SREK1: variants seen among roughly 807,000 people sequenced by gnomAD.
The protein encoded by SREK1 is splicing regulatory glutamic acid and lysine rich protein 1.
SREK1 carries 13 observed loss-of-function variants against 66.5 expected under a neutral mutation model. That is an observed-to-expected ratio of 0.20 (90% CI 0.13 to 0.31). The LOEUF (loss-of-function observed/expected upper bound fraction) is 0.31, where lower values mean the gene tolerates loss of function less well. Ranked by LOEUF, SREK1 falls within the 10% of genes least tolerant of loss-of-function variation. The pLI, the probability that SREK1 is intolerant of heterozygous loss-of-function variation, is 1.00. For synonymous variants in SREK1, 265 were observed against 263.5 expected (o/e 1.01, Z -0.05); for missense variants, 607 against 769.6 (o/e 0.79, Z 2.50).
At chr5:66,178,667 C>G in intron 11 of SREK1, 52 bp from the exon 12 acceptor site, 3 of 1,466,696 alleles carry the variant, frequency 2.0e-6, no homozygotes, top group Non-Finnish European at 2.7e-6. Context: ...GTCGTCATAG[C>G]AGGCAGTTCT....
intron 7 of SREK1, chr5:66,167,081 C>G (rs1197130017): frequency 1.3e-5 from 2 of 152,092 alleles, no homozygotes; most frequent in African/African-American, 4.8e-5. Context: ...TTGCAGGAAC[C>G]CTTTAACTTA....
intron 1 of SREK1, chr5:66,145,165 C>T (rs561979805): frequency 1.0e-6 from 1 of 985,392 alleles, no homozygotes; most frequent in Admixed American, 6.1e-5. Flanking sequence ...CACACTGTCC[C>T]AAAGCTTTCA....
intron 9 of SREK1, among the ~76,000 whole-genome samples, chr5:66,173,086 G>C (rs1252164791): frequency 6.6e-6 from 1 of 151,918 alleles, no homozygotes; most frequent in Non-Finnish European, 1.5e-5. Context: ...ACCCGCCTCA[G>C]CCTCCCAAAG....
rs528372449 is a variant in SREK1, at chr5:66,179,671, T to C, written c.*803T>C. ...ATTATGAATAATATTGCAGTGTGTCTTGTCAGCTGTAGGTGGCAAAGGTGC... is the reference window on the plus strand; with the variant it reads ...ATTATGAATAATATTGCAGTGTGTCCTGTCAGCTGTAGGTGGCAAAGGTGC... On this transcript the variant is annotated 3_prime_UTR_variant, in exon 12 of 12. Transcript: ENST00000334121. 6.6e-6 allele frequency: 1 copy of C among 152,650 alleles called. No homozygotes were observed. The highest frequency in any genetic ancestry group is 1.9e-4 in the East Asian group (1 of 5,190). The allele number at this position is 152,650 out of a possible 1,614,324, so 9.5% of individuals were successfully genotyped here.
Position 66,153,537 on chromosome 5 carries a change from A to C in SREK1, c.236A>C (p.Gln79Pro). 6.2e-7 allele frequency: 1 copy of C among 1,614,104 alleles called. No individual in the cohort carries two copies. The highest frequency in any genetic ancestry group is 2.2e-5 in the East Asian group (1 of 44,872). The change falls in exon 2 of 12, where the codon CAG (glutamine) becomes CCG (proline). Residue 79 changes from glutamine to proline, a missense_variant. Coordinates refer to ENST00000334121, the MANE Select transcript of SREK1 (RefSeq NM_001077199.3). The part of the protein sequence containing the change: ...FRDPSSVGVA[Q>P]HLTNTVFIDR... ...GATCCATCAAGTGTTGGCGTGGCCCAGCATCTAACTAACACGGTTTTTATT... is the reference window on the plus strand; with the variant it reads ...GATCCATCAAGTGTTGGCGTGGCCCCGCATCTAACTAACACGGTTTTTATT...
chr5:66,164,607 G>C, intron 6 of SREK1, 176 bp from the exon 7 acceptor site: 1 of 1,530,972 alleles, frequency 6.5e-7, no homozygotes, highest in Non-Finnish European at 8.8e-7. Context: ...TACTGCTGCA[G>C]GGTGGCTGCA....
rs114754545 is a variant in SREK1 at position 66,179,194 on chromosome 5, A to G, written c.*326A>G. ...AACATCAAAGATCCAAGTTTGTACT[A>G]TCCCTAAAGACTGGAGATAAGCATT... On this transcript the variant is annotated 3_prime_UTR_variant, in exon 12 of 12. Transcript: ENST00000334121. 576 of 175,790 alleles carry G rather than the reference A, an allele frequency of 3.3e-3. 3 individuals carry two copies. The highest frequency in any genetic ancestry group is 4.7e-3 in the Non-Finnish European group (391 of 83,128). The allele number at this position is 175,790 out of a possible 1,614,324, so 10.9% of individuals were successfully genotyped here.
At chr5:66,169,912 A>T in intron 7 of SREK1, 139 bp from the exon 8 acceptor site, 1 of 589,168 alleles carries the variant, frequency 1.7e-6, no homozygotes, top group Non-Finnish European at 2.7e-6. Flanking sequence ...CAGTAAATGT[A>T]TTTCAGATTA....
chr5:66,170,601 A>T lies in SREK1; in HGVS notation c.1138A>T (p.Thr380Ser). 1 of 1,596,844 alleles carries T rather than the reference A, an allele frequency of 6.3e-7. No homozygotes were observed. The highest frequency in any genetic ancestry group is 8.5e-7 in the Non-Finnish European group (1 of 1,175,466). The part of the protein sequence containing the change: ...RSHSRDKRKD[T>S]REKIKEKERV... ...TTTTTAAAGGGACAAGAGAAAAGAC[A>T]CTCGAGAAAAGATCAAGGAAAAGGA... Residue 380 changes from threonine (T) to serine (S), a missense_variant, in exon 9 of 12, where the codon ACT becomes TCT. Physicochemically the swap from Thr to Ser is moderately conservative, Grantham distance 58. Transcript: ENST00000334121.
chr5:66,150,198 T>C (rs1047365917), intron 1 of SREK1, among the ~76,000 whole-genome samples: 10 of 152,198 alleles, frequency 6.6e-5, no homozygotes, highest in African/African-American at 1.9e-4. Context: ...GAGAAGCTTA[T>C]AGGATCTTTT....
At position 66,149,151 on chromosome 5, in the gene SREK1, A is replaced by T. The variant is rs1246057972; in HGVS notation, c.162-4312A>T. ...GGCGGATCACGAGGTCAGGAGTTCG[A>T]GACCTGTCTGGCCAACATAGTGAAA... On this transcript the variant is annotated intron_variant, in intron 1 of 11. Coordinates refer to ENST00000334121, the MANE Select transcript of SREK1 (RefSeq NM_001077199.3). 2.0e-5 allele frequency among the ~76,000 whole-genome samples: 3 copies of T among 152,210 alleles called. No individual in the cohort carries two copies. In the East Asian group the frequency reaches 5.8e-4, roughly 29 times the overall value.
rs557649084 is a variant in SREK1 at position 66,183,016 on chromosome 5, G to T, written c.*4148G>T. 4 of 152,242 alleles carry T rather than the reference G, an allele frequency of 2.6e-5. No homozygotes were observed. The South Asian group carries it at 8.3e-4, about 32-fold the overall frequency. The allele number at this position is 152,242 out of a possible 1,614,324, so 9.4% of individuals were successfully genotyped here. On this transcript the variant is annotated 3_prime_UTR_variant, in exon 12 of 12. Transcript: ENST00000334121. ...AGTTTGTTACAATTAGCTTATATCA[G>T]ATATAACAGTTCTTAATATAATGTT... is the stretch of plus-strand genomic sequence containing the variant.
In SREK1 at chr5:66,181,308, G is replaced by C. The variant is rs1226387051; in HGVS notation, c.*2440G>C. 1 of 152,218 alleles carries C rather than the reference G, an allele frequency of 6.6e-6. No individual in the cohort carries two copies. The highest frequency in any genetic ancestry group is 2.4e-5 in the African/African-American group (1 of 41,454). The allele number at this position is 152,218 out of a possible 1,614,324, so 9.4% of individuals were successfully genotyped here. ...TGTGTGTGTGCTTGTGTGTCCATGT[G>C]TGCGCATGCGCACGTGTGTATCTGT... On this transcript the variant is annotated 3_prime_UTR_variant, in exon 12 of 12. Coordinates refer to ENST00000334121, the MANE Select transcript of SREK1 (RefSeq NM_001077199.3).
chr5:66,175,324 A>G (rs1171181713), intron 10 of SREK1, among the ~76,000 whole-genome samples: 2 of 152,116 alleles, frequency 1.3e-5, no homozygotes, highest in African/African-American at 4.8e-5. Context: ...TTTCTAATAC[A>G]AGAAGCAACA....
chr5:66,146,953 G>A (rs1322490451), intron 1 of SREK1, among the ~76,000 whole-genome samples: 2 of 152,050 alleles, frequency 1.3e-5, no homozygotes, highest in Non-Finnish European at 2.9e-5. Context: ...GTGTGGTGGT[G>A]TGCACCTATA....
At position 66,182,323 on chromosome 5, in the gene SREK1, A is replaced by G. The variant is rs1384204095; in HGVS notation, c.*3455A>G. ...AATATTTTTTATTTTCACTACATAT[A>G]TATTATTTTCTCATGTTTATTTACT... On this transcript the variant is annotated 3_prime_UTR_variant, in exon 12 of 12. Coordinates refer to ENST00000334121, the MANE Select transcript of SREK1 (RefSeq NM_001077199.3). 2 of 152,088 alleles carry G rather than the reference A, an allele frequency of 1.3e-5. No individual in the cohort carries two copies. The highest frequency in any genetic ancestry group is 1.5e-5 in the Non-Finnish European group (1 of 68,020). 9.4% of individuals were successfully genotyped at this position (152,088 alleles called of 1,614,324 possible).
In SREK1 at chr5:66,170,673, G is replaced by C. The variant is rs764138632; in HGVS notation, c.1210G>C (p.Glu404Gln). Residue 404 changes from glutamate to glutamine, a missense_variant, in exon 9 of 12, where the codon GAA becomes CAA. Glu to Gln is a conservative substitution (Grantham distance 29). Coordinates refer to ENST00000334121, the MANE Select transcript of SREK1 (RefSeq NM_001077199.3). ...DREKEREREK[E>Q]REKEKERGKN... ...GGAAAAGGAGAGAGAGAGGGAAAAGGAACGTGAAAAAGAAAAGGAACGGGG... is the reference window on the plus strand; with the variant it reads ...GGAAAAGGAGAGAGAGAGGGAAAAGCAACGTGAAAAAGAAAAGGAACGGGG... 1 of 1,612,966 alleles carries C rather than the reference G, an allele frequency of 6.2e-7. No homozygotes were observed. The highest frequency in any genetic ancestry group is 8.5e-7 in the Non-Finnish European group (1 of 1,179,578).
intron 9 of SREK1, 99 bp from the exon 10 acceptor site, chr5:66,174,847 G>C: frequency 3.7e-6 from 4 of 1,094,016 alleles, no homozygotes; most frequent in Non-Finnish European, 5.4e-6. Context: ...AAAGAATACT[G>C]TTCATATGAG....
At chr5:66,146,612 C>T (rs919745730) in intron 1 of SREK1, among the ~76,000 whole-genome samples, 9 of 151,886 alleles carry the variant, frequency 5.9e-5, no homozygotes, top group Non-Finnish European at 4.4e-5. Context: ...CTAGATCCCT[C>T]ATTCATGTTT....
Sources: gnomAD v4.1 joint callset for allele counts (sites outside exome capture counted in the v4.1 genomes callset) on GRCh38, gnomAD v4.1.1 for gene constraint, MANE v1.5 for transcripts, NCBI Gene and HGNC (gene_info 2026-07-23, HGNC 2026-07-21) for gene names.